PCDHA10: variants seen among roughly 807,000 people sequenced by gnomAD.
PCDHA10 encodes protocadherin alpha-10.
Under a neutral mutation model 61.2 loss-of-function variants are expected in PCDHA10, and 45 were observed. That is an observed-to-expected ratio of 0.74 (90% CI 0.58 to 0.94). PCDHA10 has a LOEUF of 0.94. Ranked by LOEUF, PCDHA10 falls within the 40% of genes least tolerant of loss-of-function variation. The probability of loss-of-function intolerance (pLI) is 0.00; values close to 1 mark genes in which losing one functional copy is unlikely to be tolerated. For missense variants in PCDHA10, 1,278 were observed against 1,236.2 expected (o/e 1.03, Z -0.51); for synonymous variants, 602 against 548.8 (o/e 1.10, Z -1.35).
At chr5:140,886,368 C>T (rs1174734883) in intron 1 of PCDHA10, among the ~76,000 whole-genome samples, 2 of 152,040 alleles carry the variant, frequency 1.3e-5, no homozygotes, top group South Asian at 4.1e-4. Context: ...GGTGTACATG[C>T]CATGGTGTGC....
At chr5:140,876,154 A>T (rs781957040) in intron 1 of PCDHA10, 4 of 1,613,972 alleles carry the variant, frequency 2.5e-6, no homozygotes, top group Non-Finnish European at 2.5e-6. Context: ...GTCTGTCCAG[A>T]TTCAAATAAC....
chr5:140,951,933 A>T (rs2094659165), intron 1 of PCDHA10, among the ~76,000 whole-genome samples: 1 of 152,164 alleles, frequency 6.6e-6, no homozygotes, highest in African/African-American at 2.4e-5. Context: ...TACTCCCAAG[A>T]TACAGTGCGG....
chr5:140,884,521 G>C (rs569278761), intron 1 of PCDHA10: 1 of 1,614,196 alleles, frequency 6.2e-7, no homozygotes, highest in African/African-American at 1.3e-5. Context: ...GGTCGTACTC[G>C]CAGCAGAGGC....
chr5:140,925,371 A>ATATT (rs1554202717), intron 1 of PCDHA10, among the ~76,000 whole-genome samples: 1 of 152,136 alleles, frequency 6.6e-6, no homozygotes, highest in Non-Finnish European at 1.5e-5. Context: ...CATAGTCAAT[A>ATATT]GTCAATGAGT....
intron 1 of PCDHA10, among the ~76,000 whole-genome samples, chr5:140,908,751 C>T (rs1302522906): frequency 6.6e-6 from 1 of 152,170 alleles, no homozygotes; most frequent in Non-Finnish European, 1.5e-5. Context: ...GCAACTTGCA[C>T]ACAGCCTGGA....
rs149179821 is a variant in PCDHA10 at position 141,012,224 on chromosome 5, C to T, written c.*2287C>T. 2 of 153,832 alleles carry T rather than the reference C, an allele frequency of 1.3e-5. No homozygotes were observed. Among genetic ancestry groups the T allele is most frequent in the East Asian group, 3.9e-4 (2 of 5,184 alleles). 9.5% of individuals were successfully genotyped at this position (153,832 alleles called of 1,614,324 possible). On this transcript the variant is annotated 3_prime_UTR_variant, in exon 4 of 4. Coordinates refer to ENST00000307360, the MANE Select transcript of PCDHA10 (RefSeq NM_018901.4). ...CTTTTTACATTTGCGAAGTGCTTTC[C>T]AATCCATGTTAGTTACTAGTTATTA...
chr5:140,882,897 T>A, intron 1 of PCDHA10: 1 of 1,614,220 alleles, frequency 6.2e-7, no homozygotes, highest in South Asian at 1.1e-5. Context: ...GAACATAGTT[T>A]ATTACTGACA....
chr5:140,876,204 GC>G, intron 1 of PCDHA10: 1 of 1,613,934 alleles, frequency 6.2e-7, no homozygotes. Context: ...CGTTTGATAA[GC>G]CCAGCTATAA....
chr5:140,883,970 C>A (rs1554180846), intron 1 of PCDHA10: 1 of 1,612,990 alleles, frequency 6.2e-7, no homozygotes, highest in South Asian at 1.1e-5. Context: ...GCTGCTGACG[C>A]CCGGGGCTGG....
intron 3 of PCDHA10, among the ~76,000 whole-genome samples, chr5:140,994,595 C>CT (rs1554254262): frequency 6.6e-6 from 1 of 151,984 alleles, no homozygotes; most frequent in East Asian, 1.9e-4. Context: ...GTCTCAGCTA[C>CT]TTGGGAGGCT....
chr5:140,873,246 T>C (rs1554166632), intron 1 of PCDHA10, among the ~76,000 whole-genome samples: 1 of 152,142 alleles, frequency 6.6e-6, no homozygotes, highest in African/African-American at 2.4e-5. Flanking sequence ...ATATAAAATA[T>C]TTCAGACTCA....
intron 1 of PCDHA10, among the ~76,000 whole-genome samples, chr5:140,885,108 T>C (rs986059469): frequency 6.6e-6 from 1 of 152,226 alleles, no homozygotes; most frequent in Non-Finnish European, 1.5e-5. Flanking sequence ...AAATGCTTTT[T>C]TTAAGTGCAC....
intron 1 of PCDHA10, chr5:140,928,279 TCTCTAGGC>T: frequency 6.2e-7 from 1 of 1,614,144 alleles, no homozygotes; most frequent in Non-Finnish European, 8.5e-7. Flanking sequence ...CCCTGGGGCC[TCTCTAGGC>T]CGAGTGTTTG....
intron 1 of PCDHA10, among the ~76,000 whole-genome samples, chr5:140,946,691 G>C (rs782114019): frequency 6.8e-6 from 1 of 147,578 alleles, no homozygotes; most frequent in Non-Finnish European, 1.5e-5. Flanking sequence ...TGACAATATG[G>C]ATGAATCTGG....
intron 1 of PCDHA10, among the ~76,000 whole-genome samples, chr5:140,975,967 A>C (rs2096692306): frequency 6.6e-6 from 1 of 152,176 alleles, no homozygotes; most frequent in African/African-American, 2.4e-5. Context: ...TCACCAATAG[A>C]AAGTAAGCAT....
intron 1 of PCDHA10, chr5:140,884,083 G>C (rs538322622): frequency 1.2e-6 from 2 of 1,613,596 alleles, no homozygotes; most frequent in South Asian, 1.1e-5. Context: ...GCTACAATGC[G>C]TGGCTTTCGT....
intron 1 of PCDHA10, chr5:140,966,931 C>T: frequency 6.2e-7 from 1 of 1,603,674 alleles, no homozygotes; most frequent in Non-Finnish European, 8.5e-7. Flanking sequence ...AGGCACCCGG[C>T]GCGCTCGTGG....
intron 1 of PCDHA10, among the ~76,000 whole-genome samples, chr5:140,941,551 G>A (rs1247023682): frequency 4.0e-5 from 6 of 151,616 alleles, no homozygotes; most frequent in Non-Finnish European, 8.8e-5. Flanking sequence ...TCCTGACCTC[G>A]TGATCCATTC....
At chr5:140,998,125 A>G (rs2097797565) in intron 3 of PCDHA10, among the ~76,000 whole-genome samples, 1 of 152,222 alleles carries the variant, frequency 6.6e-6, no homozygotes. Flanking sequence ...CTTGTGAATC[A>G]TAATAGCTAA....
Sources: gnomAD v4.1 joint callset for allele counts (sites outside exome capture counted in the v4.1 genomes callset) on GRCh38, gnomAD v4.1.1 for gene constraint, MANE v1.5 for transcripts, NCBI Gene and HGNC (gene_info 2026-07-23, HGNC 2026-07-21) for gene names.